FREM1: variants seen among roughly 807,000 people sequenced by gnomAD.
The protein encoded by FREM1 is FRAS1-related extracellular matrix protein 1.
FREM1 carries 220 observed loss-of-function variants against 210.1 expected under a neutral mutation model. That is an observed-to-expected ratio of 1.05 (90% CI 0.94 to 1.17). FREM1 has a LOEUF of 1.17. Among genes scored for constraint, FREM1 ranks in the 50% most tolerant of loss-of-function variants. The pLI is 0.00. For synonymous variants in FREM1, 1,189 were observed against 980.2 expected, an observed-to-expected ratio of 1.21 and a Z score of -3.98; for missense variants, 3,454 against 2,675.5, an observed-to-expected ratio of 1.29 and a Z score of -6.42.
chr9:14,793,215 C>A (rs974907751), intron 21 of FREM1, among the ~76,000 whole-genome samples: 8 of 152,194 alleles, frequency 5.3e-5, no homozygotes, highest in Non-Finnish European at 2.9e-5. Context: ...TTTACACTCA[C>A]AACAACAGCT....
chr9:14,782,166 G>C (rs919614871), intron 24 of FREM1, among the ~76,000 whole-genome samples: 5 of 152,154 alleles, frequency 3.3e-5, no homozygotes, highest in African/African-American at 1.2e-4. Context: ...TGCCTCTCTG[G>C]GGTAAGGCCC....
chr9:14,808,203 AC>A, intron 16 of FREM1, 69 bp from the exon 17 acceptor site: 2 of 980,188 alleles, frequency 2.0e-6, no homozygotes, highest in Non-Finnish European at 2.9e-6. Flanking sequence ...AAATCTACTC[AC>A]ACCTCTTCTA....
chr9:14,737,318 T>C lies in FREM1; in HGVS notation c.*78A>G. 2 of 1,083,496 alleles carry C rather than the reference T, an allele frequency of 1.8e-6. No homozygotes were observed. Among genetic ancestry groups the C allele is most frequent in the Non-Finnish European group, 2.7e-6 (2 of 745,790 alleles). 67.1% of individuals were successfully genotyped at this position (1,083,496 alleles called of 1,614,324 possible). On this transcript the variant is annotated 3_prime_UTR_variant, in exon 37 of 37. Transcript: ENST00000380880. ...CCCACTCAATCATAACAATTTGTTT[T>C]CTATGGAGCAATATTCACAGATCCT...
chr9:14,882,823 G>C (rs997084569), intron 1 of FREM1, among the ~76,000 whole-genome samples: 1 of 146,514 alleles, frequency 6.8e-6, no homozygotes, highest in African/African-American at 2.5e-5. Context: ...TGAAGCAGGA[G>C]AATCGCCTGA....
At position 14,883,525 on chromosome 9, in the gene FREM1, A is replaced by G. The variant is rs190604085; in HGVS notation, c.-267-14281T>C. Among the ~76,000 whole-genome samples, 115 of 152,310 alleles carry G rather than the reference A, an allele frequency of 7.6e-4. 2 individuals carry two copies. In the East Asian group the frequency reaches 0.021, roughly 28 times the overall value. ...GAAGGTGGCATGGGAGGGGAAAGAG[A>G]AAAGAATTCAGACGAGCAGACCGAG... On this transcript the variant is annotated intron_variant, in intron 1 of 36. Coordinates refer to ENST00000380880, the MANE Select transcript of FREM1 (RefSeq NM_001379081.2).
chr9:14,776,337 T>C, intron 24 of FREM1, 134 bp from the exon 25 acceptor site: 1 of 1,030,194 alleles, frequency 9.7e-7, no homozygotes, highest in South Asian at 2.9e-5. Context: ...CAAGGGCAGA[T>C]CTTGCAGAAA....
intron 29 of FREM1, among the ~76,000 whole-genome samples, chr9:14,755,438 C>T (rs1019017110): frequency 2.0e-5 from 3 of 152,144 alleles, no homozygotes; most frequent in African/African-American, 7.2e-5. Context: ...GGCAGGAAAG[C>T]ACAAAGCCAC....
In FREM1 at chr9:14,869,198, T is replaced by A; in HGVS notation, c.-221A>T. The A allele has an allele frequency of 2.1e-6, 1 of 465,342 alleles. No individual in the cohort carries two copies. Among genetic ancestry groups the A allele is most frequent in the Non-Finnish European group, 3.8e-6 (1 of 261,702 alleles). The allele number at this position is 465,342 out of a possible 1,614,324, so 28.8% of individuals were successfully genotyped here. ...TTTAATAAAACTCGCTGATCACTCCTGACAACGCCGGCAAGATTAATGGGC... is the reference window on the plus strand; with the variant it reads ...TTTAATAAAACTCGCTGATCACTCCAGACAACGCCGGCAAGATTAATGGGC... On this transcript the variant is annotated 5_prime_UTR_variant, in exon 2 of 37. Coordinates refer to ENST00000380880, the MANE Select transcript of FREM1 (RefSeq NM_001379081.2).
chr9:14,887,926 T>C (rs556342909), intron 1 of FREM1, among the ~76,000 whole-genome samples: 13 of 152,292 alleles, frequency 8.5e-5, no homozygotes, highest in Non-Finnish European at 1.9e-4. Context: ...GCCTCCATAG[T>C]AGCTGGGACT....
At chr9:14,881,433 A>G (rs1834780022) in intron 1 of FREM1, among the ~76,000 whole-genome samples, 1 of 152,218 alleles carries the variant, frequency 6.6e-6, no homozygotes, top group South Asian at 2.1e-4. Flanking sequence ...GCTTTGCCAT[A>G]TTTTACAAAT....
intron 24 of FREM1, among the ~76,000 whole-genome samples, chr9:14,781,540 A>G (rs1440457805): frequency 6.6e-6 from 1 of 152,218 alleles, no homozygotes; most frequent in Non-Finnish European, 1.5e-5. Context: ...ACTTGCAAGC[A>G]TAAAAAATTT....
chr9:14,841,109 T>C (rs924409110), intron 10 of FREM1, among the ~76,000 whole-genome samples: 2 of 152,218 alleles, frequency 1.3e-5, no homozygotes, highest in Non-Finnish European at 2.9e-5. Flanking sequence ...GGGAAACTCA[T>C]GCAACCTAAC....
intron 15 of FREM1, among the ~76,000 whole-genome samples, chr9:14,813,564 T>A (rs1157512346): frequency 6.6e-6 from 1 of 152,212 alleles, no homozygotes; most frequent in Non-Finnish European, 1.5e-5. Context: ...AAGCAGCAGC[T>A]GCATTTCAAA....
intron 25 of FREM1, 73 bp downstream of exon 25, chr9:14,775,716 A>T: frequency 1.3e-6 from 1 of 762,378 alleles, no homozygotes; most frequent in Non-Finnish European, 2.0e-6. Flanking sequence ...TCAAAAAAAA[A>T]AAAAAAAAAA....
chr9:14,860,782 C>CAT (rs1416134082), intron 3 of FREM1, among the ~76,000 whole-genome samples: 3 of 75,756 alleles, frequency 4.0e-5, no homozygotes, highest in African/African-American at 1.4e-4. Flanking sequence ...CACATATATA[C>CAT]ATATATACAT....
intron 1 of FREM1, among the ~76,000 whole-genome samples, chr9:14,906,154 C>T (rs552886654): frequency 1.7e-4 from 26 of 152,302 alleles, no homozygotes; most frequent in East Asian, 3.9e-4. Flanking sequence ...GCTTCATAAA[C>T]GAACATCTAG....
chr9:14,817,391 A>G (rs1196166936), intron 14 of FREM1, among the ~76,000 whole-genome samples: 2 of 152,146 alleles, frequency 1.3e-5, no homozygotes, highest in Non-Finnish European at 2.9e-5. Flanking sequence ...CTCCTCTTCC[A>G]TTGACTAGCT....
chr9:14,749,363 G>A (rs1437991557), intron 30 of FREM1, among the ~76,000 whole-genome samples: 1 of 151,976 alleles, frequency 6.6e-6, no homozygotes, highest in East Asian at 1.9e-4. Context: ...AAAGAGGGGA[G>A]GTCCCATTTT....
intron 15 of FREM1, among the ~76,000 whole-genome samples, chr9:14,816,231 T>C (rs984134769): frequency 3.3e-5 from 5 of 152,216 alleles, no homozygotes; most frequent in Non-Finnish European, 5.9e-5. Flanking sequence ...AGAGTAATTC[T>C]ACCTCTAAAT....
Sources: allele counts gnomAD v4.1 joint callset (sites outside exome capture counted in the v4.1 genomes callset), GRCh38; gene constraint gnomAD v4.1.1; transcripts MANE v1.5; gene names NCBI Gene and HGNC (gene_info 2026-07-23, HGNC 2026-07-21).